The following NPAS3 variants were observed in gnomAD, a reference collection of about 807,000 sequenced individuals.
NPAS3 encodes the protein neuronal PAS domain protein 3.
In NPAS3, 14 loss-of-function variants were observed where a neutral mutation model predicts 73.1. The observed-to-expected ratio is 0.19, with a 90% CI of 0.13 to 0.30. The LOEUF (loss-of-function observed/expected upper bound fraction) is 0.30. Among genes scored for constraint, NPAS3 ranks in the 10% least tolerant of loss-of-function variants. The pLI, the probability that NPAS3 is intolerant of heterozygous loss-of-function variation, is 1.00. For synonymous variants in NPAS3, 620 were observed against 541.5 expected (o/e 1.14, Z -2.01); for missense variants, 1,096 against 1,250.0 (o/e 0.88, Z 1.86).
intron 2 of NPAS3, among the ~76,000 whole-genome samples, chr14:33,200,815 A>G (rs919655632): frequency 1.3e-5 from 2 of 152,154 alleles, no homozygotes; most frequent in Non-Finnish European, 2.9e-5. Context: ...CCAGTTTTCC[A>G]CAGGACCCAC....
intron 6 of NPAS3, among the ~76,000 whole-genome samples, chr14:33,722,503 T>C (rs990043799): frequency 6.6e-6 from 1 of 152,184 alleles, no homozygotes; most frequent in African/African-American, 2.4e-5. Context: ...AGTTCAGATA[T>C]GGAAATGATG....
At chr14:33,067,823 G>C (rs1278565913) in intron 2 of NPAS3, among the ~76,000 whole-genome samples, 1 of 152,184 alleles carries the variant, frequency 6.6e-6, no homozygotes, top group Admixed American at 6.5e-5. Context: ...TCCCCAGAAA[G>C]ATCCTCTCCT....
intron 2 of NPAS3, among the ~76,000 whole-genome samples, chr14:33,184,134 C>T (rs545731853): frequency 2.0e-5 from 3 of 152,280 alleles, no homozygotes; most frequent in East Asian, 1.9e-4. Flanking sequence ...AAGTCAAACA[C>T]GCACTTTGAG....
In NPAS3 at chr14:33,733,464, G is replaced by C. The variant is rs1370184252; in HGVS notation, c.734-1750G>C. On this transcript the variant is annotated intron_variant, in intron 6 of 11. Coordinates refer to ENST00000356141, the Ensembl canonical transcript of NPAS3. ...TCTAAAGCATTTACGTTTAAGTTTT[G>C]ATCTCTCTGCTTTTGATTAAAACTA... Among the ~76,000 whole-genome samples, 3 of 152,056 alleles carry C rather than the reference G, an allele frequency of 2.0e-5. No individual in the cohort carries two copies. In the South Asian group the frequency reaches 6.2e-4, roughly 32 times the overall value.
intron 4 of NPAS3, among the ~76,000 whole-genome samples, chr14:33,463,285 C>A (rs890947980): frequency 1.3e-5 from 2 of 152,152 alleles, no homozygotes; most frequent in South Asian, 4.1e-4. Context: ...TATTTTCCTA[C>A]AAAAACTTCT....
At chr14:33,342,103 C>G (rs1040709697) in intron 3 of NPAS3, among the ~76,000 whole-genome samples, 1 of 152,072 alleles carries the variant, frequency 6.6e-6, no homozygotes, top group African/African-American at 2.4e-5. Flanking sequence ...AATATTGGGT[C>G]TAACATATCG....
chr14:33,485,218 C>T (rs760535034), intron 4 of NPAS3, among the ~76,000 whole-genome samples: 1 of 152,236 alleles, frequency 6.6e-6, no homozygotes, highest in Non-Finnish European at 1.5e-5. Context: ...GTGTAAAAGT[C>T]TGCCGCATCC....
intron 4 of NPAS3, among the ~76,000 whole-genome samples, chr14:33,369,791 C>G (rs189996671): frequency 1.3e-5 from 2 of 152,250 alleles, no homozygotes; most frequent in African/African-American, 4.8e-5. Context: ...ACAAGAAGAG[C>G]CTCCCTTAAG....
At chr14:33,604,111 G>A (rs556866183) in intron 5 of NPAS3, among the ~76,000 whole-genome samples, 1 of 152,050 alleles carries the variant, frequency 6.6e-6, no homozygotes, top group African/African-American at 2.4e-5. Context: ...CAGAAAAAGA[G>A]AAGTAACCAA....
chr14:33,024,174 G>GTA (rs1555324590), intron 1 of NPAS3, among the ~76,000 whole-genome samples: 4,778 of 149,764 alleles, frequency 0.032, 321 homozygotes, highest in African/African-American at 0.11. Flanking sequence ...GTGTGTGTAT[G>GTA]TATATTCCCC....
intron 4 of NPAS3, among the ~76,000 whole-genome samples, chr14:33,451,527 T>C (rs2049790114): frequency 6.6e-6 from 1 of 152,214 alleles, no homozygotes; most frequent in East Asian, 1.9e-4. Flanking sequence ...TATTTTCCTC[T>C]CTCTCGATCA....
chr14:32,948,879 T>A (rs1265404268), intron 1 of NPAS3, among the ~76,000 whole-genome samples: 1 of 152,100 alleles, frequency 6.6e-6, no homozygotes. Flanking sequence ...CTGTGACCCT[T>A]CATCTAAAGG....
intron 3 of NPAS3, among the ~76,000 whole-genome samples, chr14:33,240,411 T>A (rs1566713677): frequency 6.6e-6 from 1 of 151,788 alleles, no homozygotes; most frequent in African/African-American, 2.4e-5. Context: ...TTCATGTACC[T>A]CTCTAAGCTG....
intron 4 of NPAS3, among the ~76,000 whole-genome samples, chr14:33,424,254 G>A (rs1362901971): frequency 6.6e-6 from 1 of 151,990 alleles, no homozygotes; most frequent in Non-Finnish European, 1.5e-5. Context: ...AATAGCATGT[G>A]CGGGGGCCCA....
intron 3 of NPAS3, among the ~76,000 whole-genome samples, chr14:33,366,875 A>G (rs899083002): frequency 8.5e-5 from 13 of 152,170 alleles, no homozygotes; most frequent in African/African-American, 3.1e-4. Context: ...TGGTGTACTA[A>G]TTTATTTTAA....
At chr14:33,741,924 C>T (rs2061664605) in intron 7 of NPAS3, among the ~76,000 whole-genome samples, 1 of 152,036 alleles carries the variant, frequency 6.6e-6, no homozygotes, top group South Asian at 2.1e-4. Flanking sequence ...AAGTGATGAT[C>T]ACTTTGAAAA....
chr14:33,287,510 C>T (rs796737098), intron 3 of NPAS3, among the ~76,000 whole-genome samples: 69 of 152,266 alleles, frequency 4.5e-4, no homozygotes, highest in African/African-American at 1.6e-3. Context: ...CACGTGGCTG[C>T]TGTTACCTAC....
intron 2 of NPAS3, among the ~76,000 whole-genome samples, chr14:33,182,617 A>T (rs1190089761): frequency 6.6e-6 from 1 of 152,160 alleles, no homozygotes; most frequent in Admixed American, 6.5e-5. Flanking sequence ...GACTCTGTCA[A>T]GGGTGTGATT....
intron 3 of NPAS3, among the ~76,000 whole-genome samples, chr14:33,311,248 A>G (rs1301744118): frequency 6.6e-6 from 1 of 152,148 alleles, no homozygotes; most frequent in Non-Finnish European, 1.5e-5. Flanking sequence ...TAGAAAAATC[A>G]GAAATTTTTC....
Sources: gnomAD v4.1 joint callset for allele counts (sites outside exome capture counted in the v4.1 genomes callset) on GRCh38, gnomAD v4.1.1 for gene constraint, MANE v1.5 for transcripts, NCBI Gene and HGNC (gene_info 2026-07-23, HGNC 2026-07-21) for gene names.